KCNJ15: variants seen among roughly 807,000 people sequenced by gnomAD.
KCNJ15 encodes the protein ATP-sensitive inward rectifier potassium channel 15.
KCNJ15 carries 14 observed loss-of-function variants against 23.0 expected under a neutral mutation model. The ratio of observed to expected loss-of-function variants is 0.61; its 90% confidence interval spans 0.40 to 0.95. KCNJ15 has a LOEUF of 0.95. KCNJ15 is among the 40% of genes least tolerant of loss of function. The pLI is 0.00. For missense variants in KCNJ15, 388 were observed against 461.8 expected, an observed-to-expected ratio of 0.84 and a Z score of 1.46; for synonymous variants, 185 against 183.2, an observed-to-expected ratio of 1.01 and a Z score of -0.08.
intron 1 of KCNJ15, among the ~76,000 whole-genome samples, chr21:38,236,428 T>C (rs1978608016): frequency 6.6e-6 from 1 of 152,232 alleles, no homozygotes; most frequent in Admixed American, 6.5e-5. Flanking sequence ...AGGAAGCCTG[T>C]ATTCTCCTCT....
intron 1 of KCNJ15, chr21:38,238,402 T>G (rs1015080167): frequency 9.9e-6 from 7 of 705,762 alleles, no homozygotes; most frequent in Non-Finnish European, 1.9e-5. Flanking sequence ...CAGCACCATG[T>G]TAGGAATGTA....
upstream of KCNJ15, among the ~76,000 whole-genome samples, chr21:38,255,943 T>C (rs570498682): frequency 1.1e-3 from 172 of 152,316 alleles, 1 homozygote; most frequent in Middle Eastern, 0.014. Context: ...TCGTCTCCCA[T>C]GGGAAACAGA....
At chr21:38,265,154 G>A (rs1981331735) in intron 1 of KCNJ15, among the ~76,000 whole-genome samples, 1 of 152,274 alleles carries the variant, frequency 6.6e-6, no homozygotes, top group South Asian at 2.1e-4. Flanking sequence ...CATACCTGTG[G>A]CAATAAAGGT....
intron 1 of KCNJ15, among the ~76,000 whole-genome samples, chr21:38,277,627 A>G (rs2251360): frequency 0.68 from 102,634 of 152,016 alleles, 35,055 homozygotes; most frequent in Non-Finnish European, 0.73. Flanking sequence ...TGCAAGAGCG[A>G]GTGCAGCTTC....
Position 38,300,348 on chromosome 21 carries a change from A to C in KCNJ15, c.1087A>C (p.Arg363=), listed in dbSNP as rs780530240. The C allele has an allele frequency of 1.9e-6, 3 of 1,613,878 alleles. No individual in the cohort carries two copies. Among genetic ancestry groups the C allele is most frequent in the Non-Finnish European group, 8.5e-7 (1 of 1,179,906 alleles). ...EKYRQEDQRE[R]ELRTLLLQQS... is the part of the protein sequence containing the mutation. ...GTACAGGCAGGAGGATCAGAGGGAA[A>C]GAGAACTGAGGACACTTTTATTACA... Residue 363 remains arginine, a synonymous_variant, in exon 3 of 3, where the codon AGA becomes CGA. Transcript: ENST00000398938.
In KCNJ15 at chr21:38,302,033, TAAACACATGCACACATGCACACACGC is replaced by T; in HGVS notation, c.*1645_*1670del. ...ACATGCACACACACATACGCACACG[TAAACACATGCACACATGCACACACGC>T]GCACACATGCACACACGCACACACT... On this transcript the variant is annotated 3_prime_UTR_variant, in exon 3 of 3. Coordinates refer to ENST00000398938, the MANE Select transcript of KCNJ15 (RefSeq NM_170736.3). The T allele has an allele frequency of 6.7e-6, 1 of 150,168 alleles. No homozygotes were observed. The highest frequency in any genetic ancestry group is 1.5e-5 in the Non-Finnish European group (1 of 67,902). The allele number at this position is 150,168 out of a possible 1,614,324, so 9.3% of individuals were successfully genotyped here.
chr21:38,245,713 GAA>G (rs1181521063), intron 1 of KCNJ15, among the ~76,000 whole-genome samples: 4 of 151,576 alleles, frequency 2.6e-5, no homozygotes, highest in Non-Finnish European at 4.4e-5. Context: ...AGGAAAGAAA[GAA>G]AGAGAGAGAA....
At position 38,300,220 on chromosome 21, in the gene KCNJ15, A is replaced by G. The variant is rs1985642469; in HGVS notation, c.959A>G (p.Asn320Ser). The G allele has an allele frequency of 6.2e-7, 1 of 1,614,076 alleles. No individual in the cohort carries two copies. Among genetic ancestry groups the G allele is most frequent in the African/African-American group, 1.3e-5 (1 of 74,918 alleles). The change falls in exon 3 of 3, where the codon AAT becomes AGT. Residue 320 changes from asparagine (N) to serine (S), a missense_variant. Transcript: ENST00000398938. The part of the protein sequence containing the change: ...EFVPVVSLSK[N>S]GKYVADFSQF... Reference sequence around the variant, plus strand: ...GTGCCTGTGGTATCTCTCTCCAAAAATGGAAAATATGTGGCTGATTTCAGT... The same window carrying G: ...GTGCCTGTGGTATCTCTCTCCAAAAGTGGAAAATATGTGGCTGATTTCAGT...
At chr21:38,291,396 T>G (rs1461668914) in intron 1 of KCNJ15, among the ~76,000 whole-genome samples, 1 of 152,222 alleles carries the variant, frequency 6.6e-6, no homozygotes, top group African/African-American at 2.4e-5. Context: ...ACCTGTTTGC[T>G]TTTTTCCAGC....
chr21:38,260,618 C>G (rs1429018087), intron 1 of KCNJ15, among the ~76,000 whole-genome samples: 2 of 152,182 alleles, frequency 1.3e-5, no homozygotes, highest in Non-Finnish European at 2.9e-5. Context: ...AAAGATGAAT[C>G]AGGGTCACGT....
At chr21:38,285,757 A>G in intron 1 of KCNJ15, 1 of 152,484 alleles carries the variant, frequency 6.6e-6, no homozygotes, top group Non-Finnish European at 1.5e-5. Flanking sequence ...CCAGGGCTTA[A>G]GGGTCTTTTT....
At chr21:38,269,063 GACA>G (rs1481973242) in intron 1 of KCNJ15, 2 of 152,156 alleles carry the variant, frequency 1.3e-5, no homozygotes, top group Non-Finnish European at 2.9e-5. Flanking sequence ...CCTGCCACAG[GACA>G]ACAAGGAAGT....
intron 1 of KCNJ15, among the ~76,000 whole-genome samples, chr21:38,293,508 A>T (rs2146342063): frequency 6.6e-6 from 1 of 152,266 alleles, no homozygotes; most frequent in East Asian, 1.9e-4. Flanking sequence ...CATCAACCAC[A>T]ACCTCCCAAA....
At chr21:38,265,464 G>C (rs1045297963) in intron 1 of KCNJ15, among the ~76,000 whole-genome samples, 2 of 152,188 alleles carry the variant, frequency 1.3e-5, no homozygotes, top group African/African-American at 4.8e-5. Flanking sequence ...ACTTTGCTTA[G>C]TTTTCAGTAT....
At chr21:38,255,429 C>T (rs568759894), upstream of KCNJ15, among the ~76,000 whole-genome samples, 97 of 152,226 alleles carry the variant, frequency 6.4e-4, no homozygotes, top group South Asian at 2.7e-3. Context: ...TTCTAGACTC[C>T]GGGAGTACCA....
intron 1 of KCNJ15, among the ~76,000 whole-genome samples, chr21:38,247,563 TGGA>T (rs1979528401): frequency 1.4e-5 from 2 of 138,082 alleles, no homozygotes; most frequent in Non-Finnish European, 3.2e-5. Context: ...GATGGATGGA[TGGA>T]TGGAAAGATG....
At chr21:38,242,408 A>G (rs867049722) in intron 1 of KCNJ15, among the ~76,000 whole-genome samples, 4 of 151,544 alleles carry the variant, frequency 2.6e-5, no homozygotes, top group Middle Eastern at 3.4e-3. Context: ...ATATGTGGAA[A>G]CTCCGACCCC....
chr21:38,230,297 C>G (rs540485670), intron 1 of KCNJ15, among the ~76,000 whole-genome samples: 1 of 152,106 alleles, frequency 6.6e-6, no homozygotes, highest in South Asian at 2.1e-4. Context: ...AACATCTTTT[C>G]ATGTTTTTAT....
intron 1 of KCNJ15, among the ~76,000 whole-genome samples, chr21:38,236,145 C>G (rs1388339628): frequency 1.3e-5 from 2 of 152,194 alleles, no homozygotes; most frequent in East Asian, 3.9e-4. Context: ...TGTTTTCTGT[C>G]TTACCTGCCA....
Sources: allele counts gnomAD v4.1 joint callset (sites outside exome capture counted in the v4.1 genomes callset), GRCh38; gene constraint gnomAD v4.1.1; transcripts MANE v1.5; gene names NCBI Gene and HGNC (gene_info 2026-07-23, HGNC 2026-07-21).